The following ZNF273 variants were observed in gnomAD, a reference collection of about 807,000 sequenced individuals.
ZNF273 encodes zinc finger protein 9.
A neutral mutation model predicts 14.9 loss-of-function variants in ZNF273; 11 were observed. The ratio of observed to expected loss-of-function variants is 0.74; its 90% CI spans 0.46 to 1.22. The LOEUF (loss-of-function observed/expected upper bound fraction) is 1.22. ZNF273 is among the 50% of genes most tolerant of loss of function. ZNF273 has a pLI of 0.00. For synonymous variants in ZNF273, 199 were observed against 223.9 expected, an observed-to-expected ratio of 0.89 and a Z score of 0.99; for missense variants, 577 against 660.6, an observed-to-expected ratio of 0.87 and a Z score of 1.39.
chr7:64,891,019 G>T (rs556075512), downstream of ZNF273, among the ~76,000 whole-genome samples: 2 of 152,322 alleles, frequency 1.3e-5, no homozygotes, highest in African/African-American at 4.8e-5. Flanking sequence ...GCTGTGCTTG[G>T]CCTGGGCTCC....
chr7:64,910,877 A>G (rs1391608729), intron 1 of ZNF273, among the ~76,000 whole-genome samples: 1 of 150,438 alleles, frequency 6.6e-6, no homozygotes, highest in East Asian at 2.0e-4. Flanking sequence ...ACAATTCTCC[A>G]GCCTCAGCCT....
chr7:64,888,203 G>C, intron 1 of ZNF273: 1 of 750,462 alleles, frequency 1.3e-6, no homozygotes, highest in Non-Finnish European at 1.6e-6. Flanking sequence ...ATTCCCTGAA[G>C]CCTGGCTGCT....
intron 1 of ZNF273, among the ~76,000 whole-genome samples, chr7:64,916,180 G>GA (rs1793968506): frequency 1.3e-5 from 2 of 151,188 alleles, no homozygotes; most frequent in South Asian, 2.1e-4. Context: ...TGGGCAACAA[G>GA]AAAAAAAATT....
intron 1 of ZNF273, among the ~76,000 whole-genome samples, chr7:64,885,174 G>A (rs920017309): frequency 6.6e-6 from 1 of 152,180 alleles, no homozygotes; most frequent in African/African-American, 2.4e-5. Context: ...GGGATCCACG[G>A]GATAGTCCCA....
chr7:64,889,599 G>A (rs1423579239), downstream of ZNF273: 6 of 985,940 alleles, frequency 6.1e-6, no homozygotes, highest in Non-Finnish European at 7.2e-6. This position sits in a 1 kb window ranked among gnomAD's most constrained non-coding sequence, Gnocchi z 4.2. Flanking sequence ...GGGGATGGGG[G>A]TCCCCGCGCT....
chr7:64,930,661 C>T lies in ZNF273; in HGVS notation c.*1623C>T, dbSNP rs1794971722. Reference sequence around the variant, plus strand: ...AGTGGACTAACATTTTTAGTAATCTCTTTTGCCAGTGGCTTTAAACTGCAG... The same window carrying T: ...AGTGGACTAACATTTTTAGTAATCTTTTTTGCCAGTGGCTTTAAACTGCAG... On this transcript the variant is annotated 3_prime_UTR_variant, in exon 4 of 4. Coordinates refer to ENST00000476120, the MANE Select transcript of ZNF273 (RefSeq NM_021148.3). 6.6e-6 allele frequency: 1 copy of T among 152,120 alleles called. No individual in the cohort carries two copies. Among genetic ancestry groups the T allele is most frequent in the Admixed American group, 6.6e-5 (1 of 15,264 alleles). 9.4% of individuals were successfully genotyped at this position (152,120 alleles called of 1,614,324 possible). A position where few individuals can be genotyped will look rare whatever the true frequency, so the allele number is the denominator to read the frequency against.
chr7:64,914,501 G>A (rs995264447), intron 1 of ZNF273, among the ~76,000 whole-genome samples: 3 of 151,992 alleles, frequency 2.0e-5, no homozygotes, highest in Non-Finnish European at 2.9e-5. Context: ...AGCTATGAGG[G>A]GTTCAAAATA....
intron 3 of ZNF273, among the ~76,000 whole-genome samples, chr7:64,896,902 G>A (rs4718161): frequency 0.37 from 56,733 of 152,082 alleles, 11,061 homozygotes; most frequent in South Asian, 0.44. Flanking sequence ...CAAACTAAGT[G>A]TTAATTAACA....
At chr7:64,912,826 G>GTTTTTTGTTGTT in intron 1 of ZNF273, among the ~76,000 whole-genome samples, 39 of 36,558 alleles carry the variant, frequency 1.1e-3, no homozygotes, top group African/African-American at 2.1e-3. Flanking sequence ...ATTCATTTTA[G>GTTTTTTGTTGTT]TTTTTTTTTT....
At chr7:64,885,819 G>T (rs1365827163) in intron 1 of ZNF273, among the ~76,000 whole-genome samples, 1 of 152,240 alleles carries the variant, frequency 6.6e-6, no homozygotes, top group Non-Finnish European at 1.5e-5. Flanking sequence ...AACTGGGAGG[G>T]AGTGGAGGAG....
chr7:64,903,664 C>G (rs2129056077), intron 1 of ZNF273, among the ~76,000 whole-genome samples: 1 of 152,326 alleles, frequency 6.6e-6, no homozygotes, highest in Middle Eastern at 3.4e-3. Flanking sequence ...TGGAGCCCTC[C>G]CTGGGCAGCT....
rs79473843 is a variant in ZNF273, at chr7:64,928,423, G to C, written c.1095G>C (p.Lys365Asn). The C allele has an allele frequency of 1.4e-5, 22 of 1,613,520 alleles. No homozygotes were observed. Among genetic ancestry groups the C allele is most frequent in the East Asian group, 2.2e-5 (1 of 44,792 alleles). ...GGTCCTCAACTCTTACTAAACATAAGAGAATTCATACTGGAGAGAAACCCT... is the reference window on the plus strand; with the variant it reads ...GGTCCTCAACTCTTACTAAACATAACAGAATTCATACTGGAGAGAAACCCT... The part of the protein sequence containing the change: ...FNWSSTLTKH[K>N]RIHTGEKPYK... Residue 365 changes from lysine to asparagine, a missense_variant, in exon 4 of 4, where the codon AAG (lysine) becomes AAC (asparagine). By Grantham distance (94) the Lys-to-Asn change is moderately conservative. This residue lies in a region of ZNF273 where 411 missense variants were observed against 440.4 expected (regional missense o/e 0.93). Coordinates refer to ENST00000476120, the MANE Select transcript of ZNF273 (RefSeq NM_021148.3).
intron 1 of ZNF273, chr7:64,888,398 T>C: frequency 1.0e-6 from 1 of 985,434 alleles, no homozygotes; most frequent in Non-Finnish European, 1.2e-6. Context: ...GAGCGAGCTG[T>C]AAGGGAAGCA....
downstream of ZNF273, chr7:64,889,598 G>A (rs1038219720): frequency 3.7e-5 from 36 of 985,952 alleles, no homozygotes; most frequent in Admixed American, 4.9e-4. The surrounding 1 kb of genome is among the most constrained non-coding windows in gnomAD (Gnocchi z 4.2). Flanking sequence ...CGGGGATGGG[G>A]GTCCCCGCGC....
chr7:64,926,714 A>G (rs1180505969), intron 3 of ZNF273, among the ~76,000 whole-genome samples: 1 of 152,220 alleles, frequency 6.6e-6, no homozygotes, highest in Non-Finnish European at 1.5e-5. Flanking sequence ...TTTATAACGT[A>G]TCTTTGTCTT....
At chr7:64,917,824 TG>T in intron 2 of ZNF273, 117 bp downstream of exon 2, 1 of 1,134,344 alleles carries the variant, frequency 8.8e-7, no homozygotes. Flanking sequence ...AACAAAATCC[TG>T]GGGATTTGTT....
downstream of ZNF273, among the ~76,000 whole-genome samples, chr7:64,890,534 G>A (rs921936185): frequency 1.3e-5 from 2 of 152,164 alleles, no homozygotes; most frequent in Non-Finnish European, 2.9e-5. Flanking sequence ...TAGAAGATCA[G>A]AGCAGCCTGC....
intron 3 of ZNF273, chr7:64,923,280 T>C: frequency 2.2e-6 from 1 of 448,468 alleles, no homozygotes; most frequent in Non-Finnish European, 4.4e-6. Flanking sequence ...ATCTTCCGCT[T>C]TTTGAAAACT....
intron 3 of ZNF273, among the ~76,000 whole-genome samples, chr7:64,918,688 A>AAAG (rs1562961926): frequency 1.5e-5 from 2 of 136,220 alleles, no homozygotes; most frequent in Non-Finnish European, 3.1e-5. Flanking sequence ...AAAAAAAAAA[A>AAAG]TGTGATTTGG....
Sources: allele counts gnomAD v4.1 joint callset (sites outside exome capture counted in the v4.1 genomes callset), GRCh38; gene constraint gnomAD v4.1.1; regional missense constraint gnomAD v4.1.1; non-coding constraint Gnocchi (gnomAD v3.1); transcripts MANE v1.5; gene names NCBI Gene and HGNC (gene_info 2026-07-23, HGNC 2026-07-21).